TNS1: variants seen among roughly 807,000 people sequenced by gnomAD.
TNS1 encodes the protein tensin-1.
In TNS1, 62 loss-of-function variants were observed where a neutral mutation model predicts 168.6. The observed-to-expected ratio is 0.37, with a 90% CI of 0.30 to 0.45. The LOEUF (loss-of-function observed/expected upper bound fraction) is 0.45. Ranked by LOEUF, TNS1 falls within the 20% of genes least tolerant of loss-of-function variation. The pLI is 1.00. For missense variants in TNS1, 2,240 were observed against 2,339.4 expected (o/e 0.96, Z 0.88); for synonymous variants, 934 against 933.2 (o/e 1.00, Z -0.02).
chr2:217,929,914 C>A (rs189156847), intron 3 of TNS1, among the ~76,000 whole-genome samples: 7 of 152,340 alleles, frequency 4.6e-5, no homozygotes, highest in African/African-American at 1.4e-4. Flanking sequence ...GTCCCCTCCA[C>A]CCCATTCTCC....
At position 217,880,867 on chromosome 2, in the gene TNS1, T is replaced by C. The variant is rs752256014; in HGVS notation, c.1429+31A>G. 5 of 1,528,520 alleles carry C rather than the reference T, an allele frequency of 3.3e-6. No homozygotes were observed. In the East Asian group the frequency reaches 1.1e-4, roughly 34 times the overall value. 94.7% of individuals were successfully genotyped at this position (1,528,520 alleles called of 1,614,324 possible). A position where few individuals can be genotyped will look rare whatever the true frequency, so the allele number is the denominator to read the frequency against. ...GTGAGCAGAGGCTGTGCAGTTTGGA[T>C]AGGGGCTGGGAGCCACTAGGTCCCA... On this transcript the variant is annotated intron_variant, in intron 18 of 32. Transcript: ENST00000682258. This position sits in a 1 kb window ranked among gnomAD's most constrained non-coding sequence, Gnocchi z 4.2.
At chr2:217,871,198 C>T (rs1486059980) in intron 18 of TNS1, among the ~76,000 whole-genome samples, 1 of 152,196 alleles carries the variant, frequency 6.6e-6, no homozygotes, top group Non-Finnish European at 1.5e-5. Context: ...TACCAGGAGG[C>T]TAACCCAAAC....
intron 18 of TNS1, among the ~76,000 whole-genome samples, chr2:217,862,153 G>A (rs1948838145): frequency 6.6e-6 from 1 of 152,200 alleles, no homozygotes; most frequent in Non-Finnish European, 1.5e-5. Flanking sequence ...AGAAGGACGG[G>A]CACAACCTCA....
At chr2:217,930,424 A>G (rs1956259632) in intron 3 of TNS1, among the ~76,000 whole-genome samples, 1 of 152,198 alleles carries the variant, frequency 6.6e-6, no homozygotes, top group Non-Finnish European at 1.5e-5. Flanking sequence ...CAAAGAGACC[A>G]GTTGGCTGTG....
intron 3 of TNS1, among the ~76,000 whole-genome samples, chr2:217,955,999 T>C (rs958471404): frequency 6.6e-6 from 1 of 151,968 alleles, no homozygotes; most frequent in Non-Finnish European, 1.5e-5. Flanking sequence ...GGGAGGGGTG[T>C]CCTTGGAACA....
chr2:217,866,675 G>T (rs1002784621), intron 18 of TNS1, among the ~76,000 whole-genome samples: 2 of 152,176 alleles, frequency 1.3e-5, no homozygotes, highest in Admixed American at 1.3e-4. Context: ...AGCAGAATTA[G>T]CTAGTCCGCA....
At chr2:217,830,747 C>T (rs1189908642) in intron 22 of TNS1, among the ~76,000 whole-genome samples, 4 of 152,322 alleles carry the variant, frequency 2.6e-5, no homozygotes, top group African/African-American at 9.6e-5. Flanking sequence ...CAGCCAGCAT[C>T]GGGAGTAGGG....
At position 217,966,298 on chromosome 2, in the gene TNS1, TGTGTGTGTGTGC is replaced by T. The variant is rs1416783444; in HGVS notation, c.186+12455_186+12466del. On this transcript the variant is annotated intron_variant, in intron 3 of 32. Transcript: ENST00000682258. ...GTGTGTGTGTGTGTGTGTGTGTGTG[TGTGTGTGTGTGC>T]GCGCGCGCGCGTGTGTAAGGAGACA... Among the ~76,000 whole-genome samples, 638 of 146,430 alleles carry T rather than the reference TGTGTGTGTGTGC, an allele frequency of 4.4e-3. 3 individuals are homozygous for T. The highest frequency in any genetic ancestry group is 0.017 in the African/African-American group (614 of 37,180).
chr2:217,983,067 G>A (rs905144998), intron 2 of TNS1, among the ~76,000 whole-genome samples: 1 of 152,140 alleles, frequency 6.6e-6, no homozygotes, highest in South Asian at 2.1e-4. Context: ...GGGAACATCA[G>A]ACACTGCTGG....
intron 3 of TNS1, among the ~76,000 whole-genome samples, chr2:217,966,308 T>TGCGCGTGC (rs1553621683): frequency 6.7e-5 from 9 of 133,674 alleles, no homozygotes; most frequent in African/African-American, 2.4e-4. Context: ...TGTGTGTGTG[T>TGCGCGTGC]GCGCGCGCGC....
At chr2:217,909,952 A>G (rs184089348) in intron 4 of TNS1, among the ~76,000 whole-genome samples, 6 of 152,322 alleles carry the variant, frequency 3.9e-5, no homozygotes, top group Admixed American at 3.3e-4. Context: ...CACTTAGAAG[A>G]GTGCAAGACA....
At chr2:217,887,086 C>T (rs74483146) in intron 12 of TNS1, among the ~76,000 whole-genome samples, 3,411 of 152,260 alleles carry the variant, frequency 0.022, 152 homozygotes, top group African/African-American at 0.078. Context: ...ATCAAGCTTG[C>T]GCTCATACTC....
chr2:217,858,089 G>A (rs1948370718), intron 18 of TNS1, among the ~76,000 whole-genome samples: 1 of 152,078 alleles, frequency 6.6e-6, no homozygotes, highest in Non-Finnish European at 1.5e-5. Flanking sequence ...GCAGGGAGGG[G>A]GCGTCCTGAA....
chr2:217,827,726 C>T (rs773857344), intron 22 of TNS1, among the ~76,000 whole-genome samples: 5 of 152,238 alleles, frequency 3.3e-5, no homozygotes, highest in African/African-American at 9.6e-5. Flanking sequence ...TCTGTGACAA[C>T]GATGGGTGTG....
Position 217,836,132 on chromosome 2 carries a change from C to T in TNS1, c.3087G>A (p.Glu1029=), listed in dbSNP as rs200756483. 7.7e-5 allele frequency: 125 copies of T among 1,614,098 alleles called. No homozygotes were observed. In the Admixed American group the frequency reaches 2.0e-3, roughly 26 times the overall value. ...RRRAASDGQY[E]NQSPEATSPR... Reference sequence around the variant, plus strand: ...GGGATGTGGCTTCTGGAGACTGGTTCTCATACTGTCCATCACTGGCCGCCC... The same window carrying T: ...GGGATGTGGCTTCTGGAGACTGGTTTTCATACTGTCCATCACTGGCCGCCC... The change falls in exon 20 of 33, where the codon GAG becomes GAA. Residue 1029 remains glutamate (E), a synonymous_variant. Coordinates refer to ENST00000682258, the MANE Select transcript of TNS1 (RefSeq NM_001387777.1).
chr2:217,810,092 G>A, intron 29 of TNS1, 101 bp from the exon 30 acceptor site: 1 of 1,492,734 alleles, frequency 6.7e-7, no homozygotes, highest in Non-Finnish European at 9.2e-7. Context: ...TAAATTTCAG[G>A]CTAGCCTTGA....
intron 18 of TNS1, among the ~76,000 whole-genome samples, chr2:217,873,806 A>G (rs1377421916): frequency 6.6e-6 from 1 of 152,164 alleles, no homozygotes; most frequent in Non-Finnish European, 1.5e-5. Context: ...AGGGCATTCA[A>G]TGCCTCCAGA....
intron 3 of TNS1, among the ~76,000 whole-genome samples, chr2:217,954,312 C>T (rs991038531): frequency 3.9e-5 from 6 of 152,174 alleles, no homozygotes; most frequent in Non-Finnish European, 8.8e-5. Context: ...GGTCCCCCAT[C>T]CTGTGTGGGA....
intron 28 of TNS1, among the ~76,000 whole-genome samples, chr2:217,811,037 C>A (rs945875142): frequency 3.9e-5 from 6 of 152,136 alleles, no homozygotes; most frequent in African/African-American, 1.4e-4. Context: ...AGCCACCATG[C>A]CTGGATAATT....
Sources: allele counts gnomAD v4.1 joint callset (sites outside exome capture counted in the v4.1 genomes callset), GRCh38; gene constraint gnomAD v4.1.1; non-coding constraint Gnocchi (gnomAD v3.1); transcripts MANE v1.5; gene names NCBI Gene and HGNC (gene_info 2026-07-23, HGNC 2026-07-21).